SH3GL3: variants seen among roughly 807,000 people sequenced by gnomAD.
The protein encoded by SH3GL3 is endophilin-A3.
A neutral mutation model predicts 47.7 loss-of-function variants in SH3GL3; 33 were observed. The observed-to-expected ratio is 0.69, with a 90% CI of 0.52 to 0.92. The LOEUF (loss-of-function observed/expected upper bound fraction) is 0.92, where lower values mean the gene tolerates loss of function less well. Ranked by LOEUF, SH3GL3 falls within the 40% of genes least tolerant of loss-of-function variation. The pLI is 0.00. For synonymous variants in SH3GL3, 155 were observed against 148.8 expected, an observed-to-expected ratio of 1.04 and a Z score of -0.30; for missense variants, 363 against 417.8, an observed-to-expected ratio of 0.87 and a Z score of 1.14.
At chr15:83,501,624 G>A (rs967344612) in intron 1 of SH3GL3, among the ~76,000 whole-genome samples, 1 of 152,222 alleles carries the variant, frequency 6.6e-6, no homozygotes, top group Non-Finnish European at 1.5e-5. Flanking sequence ...GGGTGCAGTG[G>A]CTCACGCCTG....
At chr15:83,509,371 C>T (rs1057409456) in intron 1 of SH3GL3, among the ~76,000 whole-genome samples, 3 of 152,190 alleles carry the variant, frequency 2.0e-5, no homozygotes, top group Admixed American at 6.5e-5. Context: ...GAAGGAAGCT[C>T]GTAAGTTCGT....
At position 83,568,644 on chromosome 15, in the gene SH3GL3, G is replaced by T. The variant is rs1194062157; in HGVS notation, c.303G>T (p.Gly101=). 6.2e-7 allele frequency: 1 copy of T among 1,613,844 alleles called. No individual in the cohort carries two copies. Among genetic ancestry groups the T allele is most frequent in the Non-Finnish European group, 8.5e-7 (1 of 1,179,880 alleles). The change falls in exon 4 of 9, where the codon GGG becomes GGT. Residue 101 remains glycine (G), a synonymous_variant. Transcript: ENST00000427482. ...TGGGGGACTGTATGCTGAAATACGG[G>T]AAGGAGCTCGGGGAAGACTCCACCT... is the stretch of plus-strand genomic sequence containing the variant. The part of the protein sequence containing the change: ...GLLGDCMLKY[G]KELGEDSTFG...
chr15:83,551,642 C>T (rs1231825422), intron 1 of SH3GL3, among the ~76,000 whole-genome samples: 1 of 152,186 alleles, frequency 6.6e-6, no homozygotes, highest in African/African-American at 2.4e-5. Context: ...ACTCACCTTT[C>T]TAAAAGTCTC....
At chr15:83,517,982 A>T (rs1229298073) in intron 1 of SH3GL3, among the ~76,000 whole-genome samples, 2 of 152,130 alleles carry the variant, frequency 1.3e-5, no homozygotes, top group Non-Finnish European at 2.9e-5. Context: ...GCTCCCACTT[A>T]TAAGTGAGAA....
the SH3GL3 span, among the ~76,000 whole-genome samples, chr15:83,628,349 G>C: frequency 7.2e-4 from 110 of 152,212 alleles, no homozygotes; most frequent in African/African-American, 2.6e-3. Context: ...ATATGAAAGG[G>C]AAAAAGGACT....
At chr15:83,628,415 C>T in the SH3GL3 span, among the ~76,000 whole-genome samples, 7 of 152,148 alleles carry the variant, frequency 4.6e-5, no homozygotes, top group South Asian at 1.5e-3. Flanking sequence ...ATGTGATAAA[C>T]CAAGAAAAAG....
chr15:83,576,921 A>ATT (rs71156087), intron 6 of SH3GL3, among the ~76,000 whole-genome samples, 180 bp downstream of exon 6: 4 of 86,564 alleles, frequency 4.6e-5, no homozygotes, highest in African/African-American at 4.8e-5. Flanking sequence ...AAAAATCATA[A>ATT]TTTTTTTTTT....
intron 1 of SH3GL3, among the ~76,000 whole-genome samples, chr15:83,468,428 CTTGCCTTGT>C (rs778906156): frequency 1.3e-5 from 2 of 152,144 alleles, no homozygotes; most frequent in Non-Finnish European, 2.9e-5. Flanking sequence ...AGTTGACATC[CTTGCCTTGT>C]TCCCCATCTT....
chr15:83,468,932 A>G (rs183386271), intron 1 of SH3GL3, among the ~76,000 whole-genome samples: 2 of 152,000 alleles, frequency 1.3e-5, no homozygotes, highest in Non-Finnish European at 2.9e-5. Context: ...AATTCAGAGA[A>G]TTTTCCAGTA....
chr15:83,572,787 C>A, intron 5 of SH3GL3, 89 bp downstream of exon 5: 1 of 957,098 alleles, frequency 1.0e-6, no homozygotes, highest in Non-Finnish European at 1.6e-6. Flanking sequence ...AGACTGAAAG[C>A]ATCATCTTAT....
intron 8 of SH3GL3, among the ~76,000 whole-genome samples, chr15:83,609,806 GGTTA>G (rs2060616874): frequency 6.6e-6 from 1 of 152,088 alleles, no homozygotes; most frequent in Non-Finnish European, 1.5e-5. Flanking sequence ...TTAAAGTCAG[GGTTA>G]GAGATGGAGC....
intron 6 of SH3GL3, 69 bp from the exon 7 acceptor site, chr15:83,586,914 G>A: frequency 1.3e-6 from 1 of 751,364 alleles, no homozygotes; most frequent in South Asian, 1.8e-5. Flanking sequence ...CTTTGCTGCT[G>A]GTCTCCTCTC....
In SH3GL3 at chr15:83,505,506, T is replaced by C. The variant is rs1192511194; in HGVS notation, c.46-53747T>C. Among the ~76,000 whole-genome samples the C allele has an allele frequency of 2.0e-5, 3 of 149,450 alleles. No individual in the cohort carries two copies. The East Asian group carries it at 5.9e-4, about 30-fold the overall frequency. ...GGTTGTGCACTCTTTCATTTATTGA[T>C]TGACTACTTGAATTTCCTTTTTTTT... On this transcript the variant is annotated intron_variant, in intron 1 of 8. Coordinates refer to ENST00000427482, the MANE Select transcript of SH3GL3 (RefSeq NM_003027.5).
chr15:83,517,307 C>G (rs933764968), intron 1 of SH3GL3, among the ~76,000 whole-genome samples: 2 of 150,552 alleles, frequency 1.3e-5, no homozygotes, highest in Non-Finnish European at 2.9e-5. Context: ...CAGGTTCAAG[C>G]AGTTCTTCTG....
chr15:83,625,819 T>C, the SH3GL3 span, among the ~76,000 whole-genome samples: 1 of 152,108 alleles, frequency 6.6e-6, no homozygotes, highest in Non-Finnish European at 1.5e-5. Context: ...TAATTTTTGT[T>C]GTTGTTGTTG....
rs1168173129 is a variant in SH3GL3, at chr15:83,447,545, C to T, written c.12C>T (p.Ala4=). The change falls in exon 1 of 9, where the codon GCC becomes GCT. Residue 4 remains alanine, a synonymous_variant. Transcript: ENST00000427482. This position sits in a 1 kb window ranked among gnomAD's most constrained non-coding sequence, Gnocchi z 5.1. ...CGGTCGCAGTCGCGATGTCGGTGGCCGGGCTGAAGAAGCAGTTCCACAAAG... is the reference window on the plus strand; with the variant it reads ...CGGTCGCAGTCGCGATGTCGGTGGCTGGGCTGAAGAAGCAGTTCCACAAAG... MSV[A]GLKKQFHKAS... 2.0e-6 allele frequency: 3 copies of T among 1,505,678 alleles called. No individual in the cohort carries two copies. The highest frequency in any genetic ancestry group is 2.9e-5 in the East Asian group (1 of 34,408). 93.3% of individuals were successfully genotyped at this position (1,505,678 alleles called of 1,614,324 possible).
intron 1 of SH3GL3, among the ~76,000 whole-genome samples, chr15:83,549,025 C>G (rs770800546): frequency 6.6e-6 from 1 of 152,088 alleles, no homozygotes; most frequent in Non-Finnish European, 1.5e-5. Context: ...TTCACATATT[C>G]TCTCAGTTGT....
chr15:83,504,179 G>C (rs2042397037), intron 1 of SH3GL3, among the ~76,000 whole-genome samples: 1 of 152,338 alleles, frequency 6.6e-6, no homozygotes, highest in Non-Finnish European at 1.5e-5. Context: ...CCTTGGAACA[G>C]TGCATAGAAT....
chr15:83,464,611 G>A (rs928394531), intron 1 of SH3GL3, among the ~76,000 whole-genome samples: 1 of 152,042 alleles, frequency 6.6e-6, no homozygotes, highest in African/African-American at 2.4e-5. Context: ...GATCTCTTAA[G>A]CAAAACAAAA....
Sources: allele counts gnomAD v4.1 joint callset (sites outside exome capture counted in the v4.1 genomes callset), GRCh38; gene constraint gnomAD v4.1.1; non-coding constraint Gnocchi (gnomAD v3.1); transcripts MANE v1.5; gene names NCBI Gene and HGNC (gene_info 2026-07-23, HGNC 2026-07-21).